NRG3: variants seen among roughly 807,000 people sequenced by gnomAD.
The protein encoded by NRG3 is pro-neuregulin-3, membrane-bound isoform.
Under a neutral mutation model 66.9 loss-of-function variants are expected in NRG3, and 31 were observed. The observed-to-expected ratio is 0.46, with a 90% CI of 0.35 to 0.63. The LOEUF (loss-of-function observed/expected upper bound fraction) is 0.63, where lower values mean the gene tolerates loss of function less well. Among genes scored for constraint, NRG3 ranks in the 20% least tolerant of loss-of-function variants. The probability of loss-of-function intolerance (pLI) is 0.00; values close to 1 mark genes in which losing one functional copy is unlikely to be tolerated. For missense variants in NRG3, 910 were observed against 878.9 expected (o/e 1.04, Z -0.45); for synonymous variants, 393 against 359.4 (o/e 1.09, Z -1.06).
intron 2 of NRG3, among the ~76,000 whole-genome samples, chr10:82,732,886 G>A (rs1352695445): frequency 6.6e-6 from 1 of 152,182 alleles, no homozygotes; most frequent in Non-Finnish European, 1.5e-5. Flanking sequence ...AGAATTGGCA[G>A]AAGAGAGAGA....
At chr10:82,353,062 C>T (rs533457027) in intron 1 of NRG3, among the ~76,000 whole-genome samples, 15 of 152,108 alleles carry the variant, frequency 9.9e-5, no homozygotes, top group South Asian at 2.1e-4. Flanking sequence ...TTGGTGATTG[C>T]GCATGCAGGA....
intron 3 of NRG3, among the ~76,000 whole-genome samples, chr10:82,815,178 C>T (rs1430207871): frequency 6.6e-6 from 1 of 152,190 alleles, no homozygotes; most frequent in East Asian, 1.9e-4. Context: ...CTATGGCATC[C>T]TGATGAAAGT....
intron 1 of NRG3, among the ~76,000 whole-genome samples, chr10:81,879,547 A>G (rs12267229): frequency 0.059 from 9,006 of 152,296 alleles, 560 homozygotes; most frequent in East Asian, 0.19. Context: ...TACTAAAGAC[A>G]AAGAGCCTCT....
chr10:82,698,428 T>C (rs2055570361), intron 2 of NRG3, among the ~76,000 whole-genome samples: 1 of 152,152 alleles, frequency 6.6e-6, no homozygotes, highest in Non-Finnish European at 1.5e-5. Flanking sequence ...AACATATGCT[T>C]TAAATAATCC....
At chr10:82,711,432 A>G (rs1338193125) in intron 2 of NRG3, among the ~76,000 whole-genome samples, 8 of 151,834 alleles carry the variant, frequency 5.3e-5, no homozygotes, top group Admixed American at 5.3e-4. Context: ...GTGTTATTCA[A>G]TGTATTATTC....
chr10:82,496,092 C>T (rs557401244), intron 2 of NRG3, among the ~76,000 whole-genome samples: 1 of 152,196 alleles, frequency 6.6e-6, no homozygotes, highest in African/African-American at 2.4e-5. Context: ...AAAATGTTGG[C>T]ATTAGCATTA....
chr10:82,763,563 A>C (rs1054408132), intron 3 of NRG3, among the ~76,000 whole-genome samples: 1 of 152,202 alleles, frequency 6.6e-6, no homozygotes, highest in African/African-American at 2.4e-5. Flanking sequence ...ACAAATAATC[A>C]AAATAATTAA....
At chr10:82,311,177 A>C (rs2081005262) in intron 1 of NRG3, among the ~76,000 whole-genome samples, 1 of 152,194 alleles carries the variant, frequency 6.6e-6, no homozygotes, top group Non-Finnish European at 1.5e-5. Context: ...CTGATAAGGT[A>C]TTACTCTCTG....
intron 1 of NRG3, among the ~76,000 whole-genome samples, chr10:82,130,366 A>G (rs2068736484): frequency 1.3e-5 from 2 of 151,804 alleles, no homozygotes; most frequent in Admixed American, 1.3e-4. Flanking sequence ...TCCTAATGCT[A>G]TCCCTCCCCT....
intron 2 of NRG3, among the ~76,000 whole-genome samples, chr10:82,683,643 A>G (rs752431123): frequency 6.6e-6 from 1 of 152,230 alleles, no homozygotes; most frequent in African/African-American, 2.4e-5. Context: ...TATAAGTAGC[A>G]GATGCAACCT....
intron 2 of NRG3, among the ~76,000 whole-genome samples, chr10:82,615,291 A>C (rs766430783): frequency 6.6e-5 from 10 of 152,136 alleles, no homozygotes; most frequent in Admixed American, 3.3e-4. Flanking sequence ...GAAATAAAAG[A>C]AGAGGTCTGG....
At chr10:82,472,494 A>T (rs989008103) in intron 2 of NRG3, among the ~76,000 whole-genome samples, 2 of 152,236 alleles carry the variant, frequency 1.3e-5, no homozygotes, top group Non-Finnish European at 2.9e-5. Flanking sequence ...TTTTTATGAC[A>T]GAGGCTACTT....
intron 2 of NRG3, among the ~76,000 whole-genome samples, chr10:82,617,125 C>T (rs1590889766): frequency 6.6e-6 from 1 of 151,940 alleles, no homozygotes; most frequent in Non-Finnish European, 1.5e-5. Context: ...CTTGAAGACC[C>T]TCCACATACA....
At chr10:82,213,827 G>A (rs2075523589) in intron 1 of NRG3, among the ~76,000 whole-genome samples, 1 of 152,116 alleles carries the variant, frequency 6.6e-6, no homozygotes, top group Admixed American at 6.6e-5. Context: ...TTCAAAGCAA[G>A]TTTTTTTGTT....
At position 82,934,066 on chromosome 10, in the gene NRG3, G is replaced by A. The variant is rs554543071; in HGVS notation, c.1055-17403G>A. Among the ~76,000 whole-genome samples, 5 of 152,270 alleles carry A rather than the reference G, an allele frequency of 3.3e-5. No individual in the cohort carries two copies. In the South Asian group the frequency reaches 1.0e-3, roughly 32 times the overall value. On this transcript the variant is annotated intron_variant, in intron 4 of 8. Transcript: ENST00000372141. ...CTCTAGGAACTGGTTAGTCCTGAGA[G>A]GGGAAATTCCTTCAGGGTCAGGAAG...
At chr10:82,682,525 A>C (rs1486017559) in intron 2 of NRG3, among the ~76,000 whole-genome samples, 1 of 152,216 alleles carries the variant, frequency 6.6e-6, no homozygotes, top group Non-Finnish European at 1.5e-5. Context: ...TAGTTAGGGT[A>C]AATAATAGTG....
chr10:81,979,750 G>A (rs1032234005), intron 1 of NRG3, among the ~76,000 whole-genome samples: 2 of 152,022 alleles, frequency 1.3e-5, no homozygotes, highest in Non-Finnish European at 2.9e-5. Flanking sequence ...ACTGCATTAC[G>A]GATTTACAAA....
At chr10:82,481,375 T>C (rs1405525547) in intron 2 of NRG3, among the ~76,000 whole-genome samples, 1 of 152,064 alleles carries the variant, frequency 6.6e-6, no homozygotes, top group African/African-American at 2.4e-5. Flanking sequence ...TGATCCCCCT[T>C]ATTTGCCAGG....
chr10:82,508,952 G>T (rs1844919929), intron 2 of NRG3, among the ~76,000 whole-genome samples: 2 of 152,134 alleles, frequency 1.3e-5, no homozygotes, highest in Admixed American at 1.3e-4. Context: ...TTTTCCTAGT[G>T]ATCTTATACA....
Sources: allele counts gnomAD v4.1 joint callset (sites outside exome capture counted in the v4.1 genomes callset), GRCh38; gene constraint gnomAD v4.1.1; transcripts MANE v1.5; gene names NCBI Gene and HGNC (gene_info 2026-07-23, HGNC 2026-07-21).